PCDH9: variants seen among roughly 807,000 people sequenced by gnomAD.
The protein encoded by PCDH9 is protocadherin-9.
PCDH9 carries 24 observed loss-of-function variants against 70.6 expected under a neutral mutation model. The ratio of observed to expected loss-of-function variants is 0.34; its 90% confidence interval spans 0.25 to 0.48. The LOEUF (loss-of-function observed/expected upper bound fraction) is 0.48. PCDH9 is among the 20% of genes least tolerant of loss of function. The probability of loss-of-function intolerance (pLI) is 0.99; values close to 1 mark genes in which losing one functional copy is unlikely to be tolerated. For synonymous variants in PCDH9, 562 were observed against 558.5 expected, an observed-to-expected ratio of 1.01 and a Z score of -0.09; for missense variants, 1,281 against 1,503.6, an observed-to-expected ratio of 0.85 and a Z score of 2.45.
At chr13:66,564,070 G>A (rs1030836582) in intron 4 of PCDH9, among the ~76,000 whole-genome samples, 4 of 152,068 alleles carry the variant, frequency 2.6e-5, no homozygotes, top group African/African-American at 9.7e-5. Context: ...GGAGAAAATT[G>A]TTATTAAAAT....
chr13:66,709,588 A>G (rs1297050436), intron 3 of PCDH9, among the ~76,000 whole-genome samples: 2 of 152,228 alleles, frequency 1.3e-5, no homozygotes, highest in African/African-American at 2.4e-5. Flanking sequence ...TGCTTTCCCA[A>G]CAAATAAGCA....
chr13:66,569,908 G>T (rs533879031), intron 4 of PCDH9, among the ~76,000 whole-genome samples: 1 of 151,964 alleles, frequency 6.6e-6, no homozygotes, highest in Non-Finnish European at 1.5e-5. Flanking sequence ...TCACACCCTT[G>T]GTTATTTATC....
At chr13:66,527,235 G>C (rs1960257470) in intron 4 of PCDH9, among the ~76,000 whole-genome samples, 1 of 151,460 alleles carries the variant, frequency 6.6e-6, no homozygotes, top group Non-Finnish European at 1.5e-5. Flanking sequence ...GTGAAATATA[G>C]CTGGTCACCT....
At chr13:66,661,345 T>A (rs1337960164) in intron 3 of PCDH9, among the ~76,000 whole-genome samples, 2 of 152,220 alleles carry the variant, frequency 1.3e-5, no homozygotes, top group Admixed American at 1.3e-4. Context: ...TAACTTTAAG[T>A]GACACTTCTC....
At chr13:66,746,497 TAAAG>T (rs2079365694) in intron 3 of PCDH9, among the ~76,000 whole-genome samples, 1 of 151,688 alleles carries the variant, frequency 6.6e-6, no homozygotes, top group Non-Finnish European at 1.5e-5. Flanking sequence ...AGAACTACAA[TAAAG>T]AGAGAAAGAA....
rs141936270 is a variant in PCDH9, at chr13:66,817,657, T to A, written c.3138+85847A>T. Reference sequence around the variant, plus strand: ...TATTTATTTACTTTTTGAGACAGAGTCTCACTTTGTCACCCAGGCTGGAAT... The same window carrying A: ...TATTTATTTACTTTTTGAGACAGAGACTCACTTTGTCACCCAGGCTGGAAT... On this transcript the variant is annotated intron_variant, in intron 3 of 4. Coordinates refer to ENST00000377865, the MANE Select transcript of PCDH9 (RefSeq NM_203487.3). 5.1e-3 allele frequency among the ~76,000 whole-genome samples: 778 copies of A among 152,184 alleles called. 9 individuals carry two copies. The highest frequency in any genetic ancestry group is 0.018 in the African/African-American group (738 of 41,502).
intron 2 of PCDH9, among the ~76,000 whole-genome samples, chr13:67,064,877 T>C (rs2085611262): frequency 6.7e-6 from 1 of 150,026 alleles, no homozygotes; most frequent in Non-Finnish European, 1.5e-5. Flanking sequence ...TGTGTGTGTA[T>C]CTGCCTGTGT....
At chr13:66,824,291 A>G (rs116502022) in intron 3 of PCDH9, among the ~76,000 whole-genome samples, 3,028 of 143,532 alleles carry the variant, frequency 0.021, 127 homozygotes, top group African/African-American at 0.074. Flanking sequence ...TTTTGCCCTC[A>G]TTTGTTTGAA....
chr13:66,932,683 C>CACAA (rs2082835783), intron 2 of PCDH9, among the ~76,000 whole-genome samples: 1 of 94,414 alleles, frequency 1.1e-5, no homozygotes, highest in Admixed American at 8.9e-5. Context: ...TATATATATA[C>CACAA]ACACACACAC....
At chr13:67,194,667 TA>T (rs1279928290) in intron 2 of PCDH9, among the ~76,000 whole-genome samples, 3 of 152,196 alleles carry the variant, frequency 2.0e-5, no homozygotes, top group Admixed American at 2.0e-4. Context: ...GTATTAGGTT[TA>T]CCACCATTTA....
chr13:66,619,870 T>C (rs1172967971), intron 4 of PCDH9, among the ~76,000 whole-genome samples: 1 of 152,134 alleles, frequency 6.6e-6, no homozygotes, highest in African/African-American at 2.4e-5. Context: ...AAGGTTGCAG[T>C]GATTTCTTTC....
intron 3 of PCDH9, among the ~76,000 whole-genome samples, chr13:66,853,835 G>C (rs2081353170): frequency 6.6e-6 from 1 of 151,662 alleles, no homozygotes; most frequent in African/African-American, 2.4e-5. Flanking sequence ...TCAGCATGCT[G>C]ATTAGCTGGG....
chr13:67,203,151 A>G (rs185374989), intron 2 of PCDH9: 1 of 152,146 alleles, frequency 6.6e-6, no homozygotes, highest in Non-Finnish European at 1.5e-5. Flanking sequence ...ACATAATAAG[A>G]ACTTCAAATA....
intron 2 of PCDH9, among the ~76,000 whole-genome samples, chr13:67,144,569 A>AC (rs1426792429): frequency 6.6e-6 from 1 of 152,166 alleles, no homozygotes; most frequent in Non-Finnish European, 1.5e-5. Flanking sequence ...CTTGCTAACT[A>AC]CCAAACTGAT....
intron 4 of PCDH9, among the ~76,000 whole-genome samples, chr13:66,361,474 T>C (rs1283312746): frequency 2.6e-5 from 4 of 152,164 alleles, no homozygotes; most frequent in Non-Finnish European, 4.4e-5. Context: ...AATTAGGTAG[T>C]AATAAATACA....
chr13:66,620,418 C>T (rs1249654045), intron 4 of PCDH9, among the ~76,000 whole-genome samples: 3 of 152,146 alleles, frequency 2.0e-5, no homozygotes, highest in African/African-American at 4.8e-5. Flanking sequence ...GAGATTTTAA[C>T]TTCTATGCCC....
intron 4 of PCDH9, among the ~76,000 whole-genome samples, chr13:66,476,731 G>T (rs1271900823): frequency 6.6e-6 from 1 of 151,942 alleles, no homozygotes; most frequent in African/African-American, 2.4e-5. Flanking sequence ...ATATCTTCTT[G>T]TGTATAAGTA....
chr13:66,607,790 A>AC (rs2077239987), intron 4 of PCDH9, among the ~76,000 whole-genome samples: 3 of 152,126 alleles, frequency 2.0e-5, no homozygotes, highest in Non-Finnish European at 2.9e-5. Context: ...TGTTTAAATT[A>AC]TAATGAAAAT....
intron 2 of PCDH9, among the ~76,000 whole-genome samples, chr13:67,103,913 C>T (rs957104642): frequency 8.5e-5 from 13 of 152,076 alleles, no homozygotes; most frequent in African/African-American, 2.9e-4. Flanking sequence ...TGCAAAGAGG[C>T]CAATTGTGAG....
Sources: gnomAD v4.1 joint callset for allele counts (sites outside exome capture counted in the v4.1 genomes callset) on GRCh38, gnomAD v4.1.1 for gene constraint, MANE v1.5 for transcripts, NCBI Gene and HGNC (gene_info 2026-07-23, HGNC 2026-07-21) for gene names.